Variants in CNTN5 observed in about 807,000 individuals in gnomAD.
CNTN5 encodes contactin 5, also known as contactin-5.
A neutral mutation model predicts 129.1 loss-of-function variants in CNTN5; 77 were observed. The ratio of observed to expected loss-of-function variants is 0.60; its 90% CI spans 0.50 to 0.72. The LOEUF is 0.72. Ranked by LOEUF, CNTN5 falls within the 30% of genes least tolerant of loss-of-function variation. The pLI is 0.00. For synonymous variants in CNTN5, 509 were observed against 465.6 expected, an observed-to-expected ratio of 1.09 and a Z score of -1.20; for missense variants, 1,478 against 1,328.8, an observed-to-expected ratio of 1.11 and a Z score of -1.75.
At chr11:99,335,420 C>T (rs940506959) in intron 2 of CNTN5, among the ~76,000 whole-genome samples, 1 of 151,768 alleles carries the variant, frequency 6.6e-6, no homozygotes, top group African/African-American at 2.4e-5. Context: ...ATAAAATTGC[C>T]AGACTGTTTT....
chr11:100,329,898 G>A (rs371855420), intron 21 of CNTN5, among the ~76,000 whole-genome samples: 2 of 152,226 alleles, frequency 1.3e-5, no homozygotes. Flanking sequence ...AAACAATTCT[G>A]GTAATATGAC....
At chr11:100,156,404 C>T (rs777737606) in intron 13 of CNTN5, among the ~76,000 whole-genome samples, 2 of 152,094 alleles carry the variant, frequency 1.3e-5, no homozygotes, top group Non-Finnish European at 2.9e-5. Flanking sequence ...TTTGGTTTGC[C>T]AGTATTTTAC....
chr11:100,080,342 C>G (rs969574720), intron 13 of CNTN5, among the ~76,000 whole-genome samples: 2 of 151,982 alleles, frequency 1.3e-5, no homozygotes, highest in Non-Finnish European at 2.9e-5. Context: ...AAGACTTGTC[C>G]AAAATCTGAC....
chr11:100,082,922 G>A (rs1944416173), intron 13 of CNTN5, among the ~76,000 whole-genome samples: 1 of 152,020 alleles, frequency 6.6e-6, no homozygotes, highest in Non-Finnish European at 1.5e-5. Context: ...ACAGGAAGTG[G>A]GATGCCAGCA....
At chr11:100,298,331 T>C (rs967491284) in intron 19 of CNTN5, among the ~76,000 whole-genome samples, 16 of 151,404 alleles carry the variant, frequency 1.1e-4, no homozygotes, top group African/African-American at 3.9e-4. Flanking sequence ...TAAAACTTCA[T>C]ATATTTTTTT....
intron 8 of CNTN5, among the ~76,000 whole-genome samples, chr11:99,972,774 G>A (rs1205247171): frequency 6.6e-6 from 1 of 152,158 alleles, no homozygotes; most frequent in African/African-American, 2.4e-5. Flanking sequence ...TTTCCTCAGA[G>A]AGAGGATTGG....
intron 13 of CNTN5, among the ~76,000 whole-genome samples, chr11:100,103,357 A>G (rs146045022): frequency 6.6e-6 from 1 of 152,062 alleles, no homozygotes; most frequent in African/African-American, 2.4e-5. Context: ...CCTAATTCTG[A>G]TTTCACGCGT....
At chr11:99,305,165 G>A (rs145941299) in intron 1 of CNTN5, among the ~76,000 whole-genome samples, 19 of 152,244 alleles carry the variant, frequency 1.2e-4, no homozygotes, top group Middle Eastern at 3.4e-3. Context: ...TCAGACAAAA[G>A]CAAAATAAAA....
At chr11:99,731,274 AT>A (rs34775940) in intron 3 of CNTN5, among the ~76,000 whole-genome samples, 5 of 149,548 alleles carry the variant, frequency 3.3e-5, no homozygotes, top group South Asian at 4.2e-4. Flanking sequence ...TGCCTGGCTA[AT>A]TTTTTTTTTG....
intron 1 of CNTN5, among the ~76,000 whole-genome samples, chr11:99,232,558 T>A (rs1861057451): frequency 6.6e-6 from 1 of 152,166 alleles, no homozygotes; most frequent in Non-Finnish European, 1.5e-5. Flanking sequence ...TGGGTTTAGT[T>A]GAATGGAGTT....
At chr11:99,693,567 C>A (rs944423310) in intron 3 of CNTN5, among the ~76,000 whole-genome samples, 2 of 151,666 alleles carry the variant, frequency 1.3e-5, no homozygotes, top group African/African-American at 4.8e-5. Flanking sequence ...ATGGGGTCTT[C>A]AAGGGTGGAT....
intron 6 of CNTN5, among the ~76,000 whole-genome samples, chr11:99,906,165 A>G (rs1043205208): frequency 9.2e-5 from 14 of 152,222 alleles, no homozygotes; most frequent in African/African-American, 3.1e-4. Flanking sequence ...AGAACTTCCA[A>G]TATCATGTTG....
In CNTN5 at chr11:99,098,883, C is replaced by T. The variant is rs1272988374; in HGVS notation, c.-210+77613C>T. On this transcript the variant is annotated intron_variant, in intron 1 of 24. Coordinates refer to ENST00000524871, the MANE Select transcript of CNTN5 (RefSeq NM_014361.4). ...TGCTTCTCAGCTGTCTTTAGTTTCA[C>T]AGTCCAGAGACCATCTGTCTAGACA... Among the ~76,000 whole-genome samples the T allele has an allele frequency of 2.0e-5, 3 of 152,102 alleles. No individual in the cohort carries two copies. The East Asian group carries it at 5.8e-4, about 29-fold the overall frequency.
At position 99,467,159 on chromosome 11, in the gene CNTN5, T is replaced by C. The variant is rs115121901; in HGVS notation, c.-70-88986T>C. On this transcript the variant is annotated intron_variant, in intron 2 of 24. Coordinates refer to ENST00000524871, the MANE Select transcript of CNTN5 (RefSeq NM_014361.4). Reference sequence around the variant, plus strand: ...TGAAGAGACACAGTGTTTTTTTATGTTTAAAACATAAAAACAAACTGATAT... The same window carrying C: ...TGAAGAGACACAGTGTTTTTTTATGCTTAAAACATAAAAACAAACTGATAT... Among the ~76,000 whole-genome samples, 1,196 of 152,246 alleles carry C rather than the reference T, an allele frequency of 7.9e-3. 21 individuals carry two copies. The highest frequency in any genetic ancestry group is 0.027 in the African/African-American group (1,119 of 41,562).
chr11:99,545,571 G>A lies in CNTN5; in HGVS notation c.-70-10574G>A, dbSNP rs147219647. Among the ~76,000 whole-genome samples, 204 of 152,120 alleles carry A rather than the reference G, an allele frequency of 1.3e-3. 1 individual carries two copies. The highest frequency in any genetic ancestry group is 4.9e-3 in the African/African-American group (202 of 41,506). ...GGCCCTAAAATCTTATTCATATCAC[G>A]TTATACAAAGGAAATTTTTAAAACT... On this transcript the variant is annotated intron_variant, in intron 2 of 24. Transcript: ENST00000524871.
chr11:100,254,850 T>C (rs2138723170), intron 16 of CNTN5, among the ~76,000 whole-genome samples: 1 of 152,278 alleles, frequency 6.6e-6, no homozygotes, highest in East Asian at 1.9e-4. Context: ...AATAAAACAT[T>C]ATTGTGACTT....
At chr11:99,623,937 C>T (rs1951042673) in intron 3 of CNTN5, among the ~76,000 whole-genome samples, 1 of 151,994 alleles carries the variant, frequency 6.6e-6, no homozygotes, top group Non-Finnish European at 1.5e-5. Context: ...GAAGATGTTA[C>T]AGAAACTTGT....
chr11:99,776,192 G>T (rs1032460984), intron 3 of CNTN5, among the ~76,000 whole-genome samples: 1 of 151,762 alleles, frequency 6.6e-6, no homozygotes, highest in African/African-American at 2.4e-5. Context: ...GTTAAATTCA[G>T]TAGAGCCCTA....
chr11:99,892,745 T>G (rs572342906), intron 6 of CNTN5, among the ~76,000 whole-genome samples: 1 of 152,270 alleles, frequency 6.6e-6, no homozygotes, highest in East Asian at 1.9e-4. Context: ...TAGTATAGTT[T>G]AAAGTCAGGT....
Sources: gnomAD v4.1 joint callset for allele counts (sites outside exome capture counted in the v4.1 genomes callset) on GRCh38, gnomAD v4.1.1 for gene constraint, MANE v1.5 for transcripts, NCBI Gene and HGNC (gene_info 2026-07-23, HGNC 2026-07-21) for gene names.